The following EXT1 variants were observed in gnomAD, a reference collection of about 807,000 sequenced individuals.
EXT1 encodes exostosin glycosyltransferase 1.
EXT1 carries 20 observed loss-of-function variants against 82.5 expected under a neutral mutation model. The observed-to-expected ratio is 0.24, with a 90% CI of 0.17 to 0.35. The LOEUF (loss-of-function observed/expected upper bound fraction) is 0.35, where lower values mean the gene tolerates loss of function less well. Among genes scored for constraint, EXT1 ranks in the 10% least tolerant of loss-of-function variants. The pLI is 1.00. For missense variants in EXT1, 757 were observed against 936.5 expected, an observed-to-expected ratio of 0.81 and a Z score of 2.50; for synonymous variants, 348 against 350.8, an observed-to-expected ratio of 0.99 and a Z score of 0.09.
chr8:117,895,876 C>G (rs914942106), intron 1 of EXT1, among the ~76,000 whole-genome samples: 1 of 152,186 alleles, frequency 6.6e-6, no homozygotes, highest in Admixed American at 6.5e-5. Flanking sequence ...AAGTAACGCT[C>G]ATTACCTGCA....
At chr8:117,823,876 T>G (rs1451688332) in intron 4 of EXT1, among the ~76,000 whole-genome samples, 1 of 152,196 alleles carries the variant, frequency 6.6e-6, no homozygotes, top group Non-Finnish European at 1.5e-5. Context: ...GTGGAGACTT[T>G]AGGAACCTAG....
At position 117,936,239 on chromosome 8, in the gene EXT1, G is replaced by A. The variant is rs1814159725; in HGVS notation, c.963-99038C>T. 5.3e-5 allele frequency among the ~76,000 whole-genome samples: 8 copies of A among 152,176 alleles called. No homozygotes were observed. In the South Asian group the frequency reaches 1.7e-3, roughly 32 times the overall value. On this transcript the variant is annotated intron_variant, in intron 1 of 10. Transcript: ENST00000378204. ...CCCTGCCTGTCTTCTGAGCAGATGAGGACCTGAGCCTATTCCAACAGCCTG... is the reference window on the plus strand; with the variant it reads ...CCCTGCCTGTCTTCTGAGCAGATGAAGACCTGAGCCTATTCCAACAGCCTG...
At chr8:118,045,731 T>G (rs1157408906) in intron 1 of EXT1, among the ~76,000 whole-genome samples, 1 of 151,864 alleles carries the variant, frequency 6.6e-6, no homozygotes, top group East Asian at 1.9e-4. Context: ...CCTTCCTCTT[T>G]CTATTGCAGC....
intron 1 of EXT1, among the ~76,000 whole-genome samples, chr8:118,094,096 C>T (rs745503866): frequency 5.9e-5 from 9 of 152,226 alleles, no homozygotes; most frequent in Non-Finnish European, 1.3e-4. Flanking sequence ...AAAGCTATCT[C>T]AGGTGACCGA....
chr8:117,913,678 C>T (rs1164623897), intron 1 of EXT1, among the ~76,000 whole-genome samples: 1 of 152,172 alleles, frequency 6.6e-6, no homozygotes, highest in Non-Finnish European at 1.5e-5. Flanking sequence ...GCTTCTTACT[C>T]TGGGAGGGAA....
Position 117,957,349 on chromosome 8 carries a change from A to G in EXT1, c.963-120148T>C, listed in dbSNP as rs542570297. Among the ~76,000 whole-genome samples, 6 of 152,378 alleles carry G rather than the reference A, an allele frequency of 3.9e-5. No homozygotes were observed. The East Asian group carries it at 1.2e-3, about 29-fold the overall frequency. ...ACTATGCAACCAGCGAAACAGTGCT[A>G]CTAAATTAATGCCTCTAAAGAGATG... On this transcript the variant is annotated intron_variant, in intron 1 of 10. Transcript: ENST00000378204.
intron 1 of EXT1, among the ~76,000 whole-genome samples, chr8:117,987,440 G>A (rs1033498689): frequency 3.3e-5 from 5 of 152,252 alleles, no homozygotes; most frequent in African/African-American, 2.4e-5. Flanking sequence ...CAATTACTTG[G>A]AGAATGTTCC....
chr8:117,858,805 C>CAGGAAGGAAGGAAGG (rs1460308167), intron 1 of EXT1, among the ~76,000 whole-genome samples: 14 of 66,748 alleles, frequency 2.1e-4, no homozygotes, highest in African/African-American at 3.4e-4. Context: ...CAAGGCAAGG[C>CAGGAAGGAAGGAAGG]AAGGCAGGAA....
At chr8:117,836,095 T>C (rs569272978) in intron 2 of EXT1, among the ~76,000 whole-genome samples, 1 of 152,302 alleles carries the variant, frequency 6.6e-6, no homozygotes, top group East Asian at 1.9e-4. Flanking sequence ...ACTTTGTTCC[T>C]TTCAGTGTGG....
intron 1 of EXT1, among the ~76,000 whole-genome samples, chr8:117,907,841 A>G (rs1002209085): frequency 6.6e-6 from 1 of 152,214 alleles, no homozygotes; most frequent in African/African-American, 2.4e-5. Context: ...AAAGTCTAGT[A>G]ATCAGCCTGT....
At chr8:118,036,048 G>T (rs1395311419) in intron 1 of EXT1, among the ~76,000 whole-genome samples, 2 of 150,544 alleles carry the variant, frequency 1.3e-5, no homozygotes, top group Admixed American at 6.6e-5. Flanking sequence ...TCTGTTTCTT[G>T]CCTCCCTTTC....
chr8:118,058,057 T>C (rs927176235), intron 1 of EXT1, among the ~76,000 whole-genome samples: 1 of 151,894 alleles, frequency 6.6e-6, no homozygotes, highest in Non-Finnish European at 1.5e-5. Flanking sequence ...CCTGGGATGT[T>C]TAGTGGCTTC....
At chr8:117,939,638 A>G (rs1014166527) in intron 1 of EXT1, among the ~76,000 whole-genome samples, 2 of 152,154 alleles carry the variant, frequency 1.3e-5, no homozygotes, top group African/African-American at 4.8e-5. Flanking sequence ...TTACTTGCCT[A>G]AAGTCCCACA....
chr8:118,110,868 T>C lies in EXT1; in HGVS notation c.179A>G (p.Asp60Gly). ...CCAAGGAACGAAGGGGCGCAGAGCG[T>C]CCGGGAAGCGGGGCCAGAAATGATC... ...SPDHFWPRFP[D>G]ALRPFVPWDQ... Residue 60 changes from aspartate (D) to glycine (G), a missense_variant, in exon 1 of 11, where the codon GAC becomes GGC. Coordinates refer to ENST00000378204, the MANE Select transcript of EXT1 (RefSeq NM_000127.3). 6.2e-7 allele frequency: 1 copy of C among 1,613,130 alleles called. No homozygotes were observed. The highest frequency in any genetic ancestry group is 8.5e-7 in the Non-Finnish European group (1 of 1,179,214).
chr8:117,827,721 G>A (rs140062860), intron 4 of EXT1, among the ~76,000 whole-genome samples: 4 of 145,354 alleles, frequency 2.8e-5, no homozygotes, highest in African/African-American at 2.6e-5. Flanking sequence ...GGGAGGTGGA[G>A]GTTGCATGAG....
At chr8:118,099,022 T>A (rs974849530) in intron 1 of EXT1, among the ~76,000 whole-genome samples, 1 of 152,212 alleles carries the variant, frequency 6.6e-6, no homozygotes, top group African/African-American at 2.4e-5. Flanking sequence ...ATCATACGGT[T>A]TTCAAAAAAG....
intron 10 of EXT1, among the ~76,000 whole-genome samples, chr8:117,803,378 G>A (rs988274223): frequency 6.6e-6 from 1 of 151,964 alleles, no homozygotes; most frequent in Non-Finnish European, 1.5e-5. Flanking sequence ...TGTATTTTTA[G>A]TAGAGATGGG....
intron 1 of EXT1, among the ~76,000 whole-genome samples, chr8:118,087,696 T>C (rs1817448098): frequency 6.6e-6 from 1 of 152,158 alleles, no homozygotes; most frequent in Non-Finnish European, 1.5e-5. Flanking sequence ...AATTTTTTAA[T>C]AAAAGATAAG....
chr8:117,852,926 G>A (rs1439373036), intron 1 of EXT1, among the ~76,000 whole-genome samples: 3 of 152,240 alleles, frequency 2.0e-5, no homozygotes, highest in South Asian at 4.1e-4. Flanking sequence ...AACAGCTATA[G>A]TAGTTCCAAG....
Sources: gnomAD v4.1 joint callset for allele counts (sites outside exome capture counted in the v4.1 genomes callset) on GRCh38, gnomAD v4.1.1 for gene constraint, MANE v1.5 for transcripts, NCBI Gene and HGNC (gene_info 2026-07-23, HGNC 2026-07-21) for gene names.